The following HADHA variants were observed in gnomAD, a reference collection of about 807,000 sequenced individuals.
HADHA encodes trifunctional enzyme subunit alpha, mitochondrial.
Under a neutral mutation model 91.3 loss-of-function variants are expected in HADHA, and 59 were observed. That is an observed-to-expected ratio of 0.65 (90% CI 0.52 to 0.80). The LOEUF is 0.80. Ranked by LOEUF, HADHA falls within the 30% of genes least tolerant of loss-of-function variation. The pLI is 0.00. For missense variants in HADHA, 800 were observed against 927.6 expected (o/e 0.86, Z 1.79); for synonymous variants, 320 against 338.9 (o/e 0.94, Z 0.61).
rs1313612341 is a variant in HADHA at position 26,191,232 on chromosome 2, G to A, written c.*18C>T. ...CAGCTGGGGTTAGTGCACTGACTGA[G>A]CGAGGCATGAGGCCTGCTCACTGGT... On this transcript the variant is annotated 3_prime_UTR_variant, in exon 20 of 20. Transcript: ENST00000380649. 6.2e-7 allele frequency: 1 copy of A among 1,611,290 alleles called. No individual in the cohort carries two copies. Among genetic ancestry groups the A allele is most frequent in the African/African-American group, 1.3e-5 (1 of 74,860 alleles).
At position 26,232,317 on chromosome 2, in the gene HADHA, T is replaced by C. The variant is rs147039356; in HGVS notation, c.454-38A>G. 2.2e-4 allele frequency: 331 copies of C among 1,507,262 alleles called. 2 individuals carry two copies. The African/African-American group carries it at 3.8e-3, about 17-fold the overall frequency. The allele number at this position is 1,507,262 out of a possible 1,614,324, so 93.4% of individuals were successfully genotyped here. On this transcript the variant is annotated intron_variant, in intron 5 of 19. Coordinates refer to ENST00000380649, the MANE Select transcript of HADHA (RefSeq NM_000182.5). ...GAAAGAAAATTAGAATGTTAGAAAA[T>C]GTAACTTAGTAGCAACTTGAGATGG...
intron 13 of HADHA, among the ~76,000 whole-genome samples, chr2:26,199,614 G>A (rs1454064167): frequency 6.6e-6 from 1 of 152,106 alleles, no homozygotes; most frequent in Non-Finnish European, 1.5e-5. Flanking sequence ...ATCTGGGCTG[G>A]TCTTGTGACT....
chr2:26,242,790 G>A (rs558884849), intron 1 of HADHA, among the ~76,000 whole-genome samples: 3 of 152,324 alleles, frequency 2.0e-5, no homozygotes, highest in African/African-American at 7.2e-5. Context: ...TTGAGACGGA[G>A]GACCAGGCTG....
In HADHA at chr2:26,209,803, A is replaced by T; in HGVS notation, c.1062T>A (p.Phe354Leu). 6.3e-7 allele frequency: 1 copy of T among 1,586,024 alleles called. No individual in the cohort carries two copies. The highest frequency in any genetic ancestry group is 8.7e-7 in the Non-Finnish European group (1 of 1,154,428). ...HGQVLCKKNK[F>L]GAPQKDVKHL... Reference sequence around the variant, plus strand: ...ACTTAACATCCTTCTGTGGAGCTCCAAATTTATTCTTCTTGCACAGGACCT... The same window carrying T: ...ACTTAACATCCTTCTGTGGAGCTCCTAATTTATTCTTCTTGCACAGGACCT... Residue 354 changes from phenylalanine to leucine, a missense_variant, in exon 11 of 20, where the codon TTT becomes TTA. Phe to Leu is a conservative substitution (Grantham distance 22, BLOSUM62 0). Transcript: ENST00000380649.
chr2:26,233,699 A>G (rs932978059), intron 5 of HADHA, among the ~76,000 whole-genome samples: 1 of 152,194 alleles, frequency 6.6e-6, no homozygotes, highest in Non-Finnish European at 1.5e-5. Context: ...TTCAAATGAA[A>G]ACATCACACC....
At position 26,236,919 on chromosome 2, in the gene HADHA, G is replaced by C; in HGVS notation, c.250C>G (p.Gln84Glu). The C allele has an allele frequency of 1.2e-6, 2 of 1,608,264 alleles. No individual in the cohort carries two copies. Among genetic ancestry groups the C allele is most frequent in the Non-Finnish European group, 1.7e-6 (2 of 1,174,720 alleles). Residue 84 changes from glutamine to glutamate, a missense_variant, in exon 4 of 20, where the codon CAA (glutamine) becomes GAA (glutamate). Transcript: ENST00000380649. ...EVMNEIWASDQIRSAVLISSK... is the reference protein window; with the variant it reads ...EVMNEIWASDEIRSAVLISSK... ...GAGATAAGGACGGCACTTCTGATTT[G>C]ATCACTAGCCCAGATTTCATTCATA... is the stretch of plus-strand genomic sequence containing the variant.
At chr2:26,200,905 G>C (rs1319771573) in intron 13 of HADHA, among the ~76,000 whole-genome samples, 1 of 151,782 alleles carries the variant, frequency 6.6e-6, no homozygotes, top group African/African-American at 2.4e-5. Flanking sequence ...GCTAATTTTT[G>C]TATTTTCTAG....
chr2:26,235,687 T>G (rs541240665), intron 4 of HADHA, among the ~76,000 whole-genome samples: 1 of 152,346 alleles, frequency 6.6e-6, no homozygotes, highest in African/African-American at 2.4e-5. Flanking sequence ...AATTACACTT[T>G]CAGTACAAAT....
At chr2:26,233,287 C>T (rs1212635294) in intron 5 of HADHA, among the ~76,000 whole-genome samples, 1 of 152,112 alleles carries the variant, frequency 6.6e-6, no homozygotes, top group African/African-American at 2.4e-5. Flanking sequence ...AACTGTGGCA[C>T]AGTGATAAGC....
chr2:26,214,464 A>C lies in HADHA; in HGVS notation c.897T>G (p.Pro299=). 1 of 1,549,404 alleles carries C rather than the reference A, an allele frequency of 6.5e-7. No homozygotes were observed. The highest frequency in any genetic ancestry group is 8.9e-7 in the Non-Finnish European group (1 of 1,122,798). The change falls in exon 9 of 20, where the codon CCT becomes CCG. Residue 299 remains proline (P), a synonymous_variant. Transcript: ENST00000380649. This position sits in a 1 kb window ranked among gnomAD's most constrained non-coding sequence, Gnocchi z 4.1. ...KVRKQTKGLY[P]APLKIIDVVK... ...TCACATCAATTATTTTCAGAGGTGCAGGATAAAGGCCTTTAGTCTGCTTTC... is the reference window on the plus strand; with the variant it reads ...TCACATCAATTATTTTCAGAGGTGCCGGATAAAGGCCTTTAGTCTGCTTTC...
intron 1 of HADHA, among the ~76,000 whole-genome samples, chr2:26,244,007 C>G (rs559257716): frequency 6.6e-6 from 1 of 152,246 alleles, no homozygotes; most frequent in Non-Finnish European, 1.5e-5. Context: ...GAGTTGAGCT[C>G]CCTACTTGAT....
chr2:26,204,534 T>C (rs1399357040), intron 11 of HADHA, among the ~76,000 whole-genome samples: 1 of 152,164 alleles, frequency 6.6e-6, no homozygotes, highest in East Asian at 1.9e-4. Context: ...CAACCTCTTT[T>C]CTTATTGAAC....
Position 26,192,383 on chromosome 2 carries a change from C to A in HADHA, c.1927G>T (p.Val643Leu). 6.2e-7 allele frequency: 1 copy of A among 1,608,722 alleles called. No homozygotes were observed. Among genetic ancestry groups the A allele is most frequent in the Middle Eastern group, 1.7e-4 (1 of 6,048 alleles). The change falls in exon 18 of 20, where the codon GTG (valine) becomes TTG (leucine). Residue 643 changes from valine (V) to leucine (L), a missense_variant. Coordinates refer to ENST00000380649, the MANE Select transcript of HADHA (RefSeq NM_000182.5). ...TCAGAATTCAAATCCTTCCTCTTCA[C>A]ACCCTCCTGATAGATGTAAAAGCCC... ...GKGFYIYQEG[V>L]KRKDLNSDMD...
chr2:26,223,213 C>G (rs961864076), intron 7 of HADHA, among the ~76,000 whole-genome samples: 7 of 152,186 alleles, frequency 4.6e-5, no homozygotes, highest in African/African-American at 1.7e-4. Flanking sequence ...AATCAACAGG[C>G]AGCAGAGGGC....
rs3220491 is a variant in HADHA at position 26,229,373 on chromosome 2, C to CACACAA, written c.676+818_676+819insTTGTGT. 2.0e-5 allele frequency among the ~76,000 whole-genome samples: 3 copies of CACACAA among 151,422 alleles called. No homozygotes were observed. Among genetic ancestry groups the CACACAA allele is most frequent in the South Asian group, 2.1e-4 (1 of 4,798 alleles). On this transcript the variant is annotated intron_variant, in intron 7 of 19. Transcript: ENST00000380649. The surrounding 1 kb of genome is among the most constrained non-coding windows in gnomAD (Gnocchi z 4.3). The stretch of plus-strand genomic sequence containing the variant: ...GCACACACACACACACACACACACA[C>CACACAA]AAAATTAATACATTTACTATTATGT...
At chr2:26,217,182 GAA>G (rs570236502) in intron 7 of HADHA, among the ~76,000 whole-genome samples, 1 of 144,694 alleles carries the variant, frequency 6.9e-6, no homozygotes, top group Non-Finnish European at 1.5e-5. Flanking sequence ...GACCCCGTCT[GAA>G]AAAAAAAAAG....
chr2:26,227,383 G>T (rs770224482), intron 7 of HADHA, among the ~76,000 whole-genome samples: 6 of 151,964 alleles, frequency 3.9e-5, no homozygotes, highest in Non-Finnish European at 5.9e-5. Flanking sequence ...ATGGTGGTGG[G>T]CGCCTGTAGT....
chr2:26,192,552 C>T (rs965701759), intron 17 of HADHA, 128 bp from the exon 18 acceptor site: 10 of 707,444 alleles, frequency 1.4e-5, no homozygotes, highest in South Asian at 8.7e-5. Context: ...TTTGGGAGGC[C>T]GAGGCGGAGG....
intron 7 of HADHA, among the ~76,000 whole-genome samples, chr2:26,227,113 C>T (rs1253594016): frequency 6.6e-6 from 1 of 151,912 alleles, no homozygotes; most frequent in Non-Finnish European, 1.5e-5. Context: ...ACACTCAGTC[C>T]AAGAAAATGG....
Sources: gnomAD v4.1 joint callset for allele counts (sites outside exome capture counted in the v4.1 genomes callset) on GRCh38, gnomAD v4.1.1 for gene constraint, Gnocchi (gnomAD v3.1) non-coding constraint, MANE v1.5 for transcripts, NCBI Gene and HGNC (gene_info 2026-07-23, HGNC 2026-07-21) for gene names.